The following IQCM variants were observed in gnomAD, a reference collection of about 807,000 sequenced individuals.
The protein encoded by IQCM is IQ motif containing M.
A neutral mutation model predicts 57.6 loss-of-function variants in IQCM; 45 were observed. The observed-to-expected ratio is 0.78, with a 90% confidence interval of 0.62 to 1.00. The LOEUF is 1.00. Among genes scored for constraint, IQCM ranks in the 50% least tolerant of loss-of-function variants. The probability of loss-of-function intolerance (pLI) is 0.00; values close to 1 mark genes in which losing one functional copy is unlikely to be tolerated. For synonymous variants in IQCM, 148 were observed against 158.9 expected (o/e 0.93, Z 0.51); for missense variants, 468 against 511.6 (o/e 0.91, Z 0.82).
intron 12 of IQCM, among the ~76,000 whole-genome samples, chr4:149,442,068 T>C (rs1046635800): frequency 1.4e-4 from 21 of 152,158 alleles, no homozygotes; most frequent in African/African-American, 4.8e-4. Context: ...CAGTCAGGTA[T>C]TCTGTTATAG....
intron 12 of IQCM, among the ~76,000 whole-genome samples, chr4:149,530,423 A>T (rs1391683789): frequency 6.6e-6 from 1 of 152,150 alleles, no homozygotes; most frequent in African/African-American, 2.4e-5. Flanking sequence ...AATGGGAGAG[A>T]AAACTCTATG....
At chr4:149,368,477 C>T (rs565122840) in intron 13 of IQCM, among the ~76,000 whole-genome samples, 2 of 151,960 alleles carry the variant, frequency 1.3e-5, no homozygotes, top group South Asian at 4.2e-4. Context: ...TCAACCATTT[C>T]CACCTTGTTA....
chr4:149,575,526 A>G (rs1751550891), intron 9 of IQCM, among the ~76,000 whole-genome samples: 1 of 151,794 alleles, frequency 6.6e-6, no homozygotes. Flanking sequence ...TAGTTTAAGT[A>G]CCTAAAGGAG....
At position 149,745,997 on chromosome 4, in the gene IQCM, C is replaced by A. The variant is rs534308174; in HGVS notation, c.-48-3258G>T. On this transcript the variant is annotated intron_variant, in intron 2 of 13. Transcript: ENST00000636793. ...AAAGAAAAGAAAAAGACAAGACAAG[C>A]CAAGGCTTTATCATGGCTCTTATAA... Among the ~76,000 whole-genome samples the A allele has an allele frequency of 1.9e-4, 29 of 151,448 alleles. 1 individual carries two copies. The South Asian group carries it at 2.7e-3, about 14-fold the overall frequency.
chr4:149,561,168 C>T (rs1181667956), intron 10 of IQCM, among the ~76,000 whole-genome samples: 2 of 152,162 alleles, frequency 1.3e-5, no homozygotes, highest in Non-Finnish European at 2.9e-5. Context: ...TATATTGGCT[C>T]TGATCCTTTA....
At chr4:149,759,866 C>G (rs996156691) in intron 2 of IQCM, among the ~76,000 whole-genome samples, 3 of 151,616 alleles carry the variant, frequency 2.0e-5, no homozygotes, top group African/African-American at 7.3e-5. Context: ...ATATTAAATT[C>G]AAAGAAAATA....
rs940084550 is a variant in IQCM at position 149,555,179 on chromosome 4, C to T, written c.949-1892G>A. 3.3e-5 allele frequency among the ~76,000 whole-genome samples: 5 copies of T among 152,262 alleles called. No homozygotes were observed. In the South Asian group the frequency reaches 8.3e-4, roughly 25 times the overall value. On this transcript the variant is annotated intron_variant, in intron 10 of 13. Transcript: ENST00000636793. ...GCTAATGTCTCTCAACATTTAATAA[C>T]ATTTTTCAATGTGTATTTTTAATCT...
chr4:149,614,090 CT>C (rs1755564924), intron 8 of IQCM, among the ~76,000 whole-genome samples: 1 of 151,942 alleles, frequency 6.6e-6, no homozygotes, highest in Non-Finnish European at 1.5e-5. Flanking sequence ...ACCAGCAATT[CT>C]TTTTTATTCT....
intron 8 of IQCM, among the ~76,000 whole-genome samples, chr4:149,594,224 G>T (rs1327258480): frequency 1.3e-5 from 2 of 152,104 alleles, no homozygotes; most frequent in Non-Finnish European, 2.9e-5. Flanking sequence ...ATTTCTTCTC[G>T]ATTTTCTAGT....
At chr4:149,359,884 T>G (rs1729350309) in intron 13 of IQCM, among the ~76,000 whole-genome samples, 3 of 152,154 alleles carry the variant, frequency 2.0e-5, no homozygotes, top group African/African-American at 7.2e-5. Flanking sequence ...AAAATAAGCA[T>G]TTAGGTCATT....
intron 2 of IQCM, among the ~76,000 whole-genome samples, chr4:149,774,138 A>T (rs1046046681): frequency 2.0e-5 from 3 of 151,936 alleles, no homozygotes; most frequent in African/African-American, 7.3e-5. Flanking sequence ...TTTCTGGGTA[A>T]GCTCTAATCC....
At chr4:149,476,032 A>T (rs1740148133) in intron 12 of IQCM, among the ~76,000 whole-genome samples, 1 of 152,156 alleles carries the variant, frequency 6.6e-6, no homozygotes, top group Admixed American at 6.6e-5. Context: ...GGGAAGAATA[A>T]TAGCATGTTT....
At chr4:149,409,405 C>A (rs922315666) in intron 13 of IQCM, among the ~76,000 whole-genome samples, 2 of 152,192 alleles carry the variant, frequency 1.3e-5, no homozygotes, top group Non-Finnish European at 2.9e-5. Flanking sequence ...CACGCTGAGT[C>A]ATAGGATGTG....
At chr4:149,766,207 A>G (rs767172893) in intron 2 of IQCM, among the ~76,000 whole-genome samples, 1 of 152,142 alleles carries the variant, frequency 6.6e-6, no homozygotes, top group Non-Finnish European at 1.5e-5. Flanking sequence ...TACAGACAAA[A>G]TGGACTCCCT....
chr4:149,739,164 A>G lies in IQCM; in HGVS notation c.37+3491T>C, dbSNP rs73857734. 9.0e-3 allele frequency among the ~76,000 whole-genome samples: 1,364 copies of G among 152,230 alleles called. 10 individuals are homozygous for G. The highest frequency in any genetic ancestry group is 0.03 in the African/African-American group (1,264 of 41,558). The stretch of plus-strand genomic sequence containing the variant: ...ACTATACTTATAACTTAATTTGTAA[A>G]TACATATTGATAGTATATAGAATGA... On this transcript the variant is annotated intron_variant, in intron 3 of 13. Transcript: ENST00000636793.
intron 12 of IQCM, among the ~76,000 whole-genome samples, chr4:149,496,778 A>G (rs1742700427): frequency 6.6e-6 from 1 of 152,158 alleles, no homozygotes; most frequent in Non-Finnish European, 1.5e-5. Flanking sequence ...TAAAATTTGT[A>G]AGCTCACTAA....
At chr4:149,426,030 C>T (rs909558068) in intron 13 of IQCM, among the ~76,000 whole-genome samples, 1 of 151,796 alleles carries the variant, frequency 6.6e-6, no homozygotes, top group Admixed American at 6.6e-5. Flanking sequence ...TTTCTTTATG[C>T]CCTGTTTCTT....
chr4:149,779,547 T>A (rs144013263), intron 2 of IQCM, among the ~76,000 whole-genome samples: 1 of 152,124 alleles, frequency 6.6e-6, no homozygotes, highest in South Asian at 2.1e-4. Context: ...TGGATATCTG[T>A]AGACCAAAAA....
chr4:149,775,863 G>A (rs938877760), intron 2 of IQCM, among the ~76,000 whole-genome samples: 7 of 152,150 alleles, frequency 4.6e-5, no homozygotes, highest in African/African-American at 9.7e-5. Flanking sequence ...GCTGAGCTAC[G>A]TGGGGTTGGT....
Sources: gnomAD v4.1 joint callset for allele counts (sites outside exome capture counted in the v4.1 genomes callset) on GRCh38, gnomAD v4.1.1 for gene constraint, MANE v1.5 for transcripts, NCBI Gene and HGNC (gene_info 2026-07-23, HGNC 2026-07-21) for gene names.